The following FAM168A variants were observed in gnomAD, a reference collection of about 807,000 sequenced individuals.
The protein encoded by FAM168A is protein FAM168A.
FAM168A carries 3 observed loss-of-function variants against 28.5 expected under a neutral mutation model. The ratio of observed to expected loss-of-function variants is 0.11; its 90% CI spans 0.05 to 0.27. FAM168A has a LOEUF of 0.27. Among genes scored for constraint, FAM168A ranks in the 10% least tolerant of loss-of-function variants. The probability of loss-of-function intolerance (pLI) is 1.00; values close to 1 mark genes in which losing one functional copy is unlikely to be tolerated. For missense variants in FAM168A, 222 were observed against 311.5 expected (o/e 0.71, Z 2.16); for synonymous variants, 122 against 124.2 (o/e 0.98, Z 0.12).
intron 2 of FAM168A, among the ~76,000 whole-genome samples, chr11:73,442,355 T>C (rs1174002044): frequency 6.6e-6 from 1 of 152,070 alleles, no homozygotes; most frequent in East Asian, 1.9e-4. Context: ...CTCGATCTCC[T>C]GACCTCATGA....
chr11:73,527,674 T>C (rs1590834584), intron 1 of FAM168A, among the ~76,000 whole-genome samples: 1 of 152,078 alleles, frequency 6.6e-6, no homozygotes, highest in African/African-American at 2.4e-5. Context: ...TAAATAACTA[T>C]TAAGTTATTA....
chr11:73,562,461 C>T (rs1181530263), intron 1 of FAM168A, among the ~76,000 whole-genome samples: 1 of 152,186 alleles, frequency 6.6e-6, no homozygotes, highest in Non-Finnish European at 1.5e-5. Flanking sequence ...CAGAATGAAG[C>T]GTATAATGCT....
At chr11:73,463,105 A>G (rs571917288) in intron 2 of FAM168A, among the ~76,000 whole-genome samples, 34 of 151,922 alleles carry the variant, frequency 2.2e-4, no homozygotes, top group African/African-American at 8.2e-4. Context: ...AGTAGCTGGG[A>G]TTACAGGTGT....
intron 1 of FAM168A, among the ~76,000 whole-genome samples, chr11:73,500,983 G>T (rs1018661074): frequency 2.0e-5 from 3 of 149,344 alleles, no homozygotes; most frequent in Non-Finnish European, 3.0e-5. Flanking sequence ...AAAATAAAGG[G>T]ATGGAAGAAA....
At chr11:73,533,843 A>C (rs919348523) in intron 1 of FAM168A, among the ~76,000 whole-genome samples, 6 of 152,346 alleles carry the variant, frequency 3.9e-5, no homozygotes, top group Non-Finnish European at 7.3e-5. Flanking sequence ...GGGAGTGCTT[A>C]AATGAATAAA....
At chr11:73,480,893 T>C (rs925960304) in intron 1 of FAM168A, among the ~76,000 whole-genome samples, 20 of 152,192 alleles carry the variant, frequency 1.3e-4, no homozygotes, top group Admixed American at 1.1e-3. Flanking sequence ...AATTTTGAAA[T>C]AGCATTTTTC....
intron 1 of FAM168A, among the ~76,000 whole-genome samples, chr11:73,486,070 A>G (rs928578901): frequency 1.1e-4 from 16 of 152,214 alleles, no homozygotes; most frequent in Non-Finnish European, 1.5e-5. Context: ...ATACAAATGT[A>G]AAGTTTGGGG....
intron 1 of FAM168A, among the ~76,000 whole-genome samples, chr11:73,536,416 G>A (rs533639826): frequency 5.9e-5 from 9 of 152,258 alleles, no homozygotes; most frequent in Middle Eastern, 3.4e-3. Flanking sequence ...GGCCAAGCGC[G>A]GTAGATCACG....
chr11:73,430,918 T>C (rs1398658473), intron 2 of FAM168A, 148 bp from the exon 3 acceptor site: 1 of 561,786 alleles, frequency 1.8e-6, no homozygotes, highest in Admixed American at 3.6e-5. Flanking sequence ...TTCCAGATAG[T>C]ATATGTGACC....
intron 3 of FAM168A, among the ~76,000 whole-genome samples, chr11:73,426,107 G>A (rs1274160295): frequency 6.6e-6 from 1 of 152,096 alleles, no homozygotes; most frequent in Non-Finnish European, 1.5e-5. Context: ...AGACAATAGG[G>A]GAAAATGTTT....
chr11:73,584,386 C>T (rs1944283552), intron 1 of FAM168A, among the ~76,000 whole-genome samples: 1 of 151,694 alleles, frequency 6.6e-6, no homozygotes, highest in Non-Finnish European at 1.5e-5. Context: ...TGGTCTCAAA[C>T]TCCTAGTCTC....
At chr11:73,420,934 A>T (rs186222110) in intron 3 of FAM168A, 397 of 152,750 alleles carry the variant, frequency 2.6e-3, no homozygotes, top group African/African-American at 9.3e-3. Context: ...AGAGTTCTGA[A>T]GTGGGACTTG....
intron 2 of FAM168A, among the ~76,000 whole-genome samples, chr11:73,447,803 G>A (rs372556875): frequency 6.6e-6 from 1 of 151,760 alleles, no homozygotes; most frequent in East Asian, 1.9e-4. Flanking sequence ...AGACCCATCA[G>A]CTAACTACCA....
At chr11:73,513,004 G>T (rs1855254099) in intron 1 of FAM168A, among the ~76,000 whole-genome samples, 1 of 152,042 alleles carries the variant, frequency 6.6e-6, no homozygotes, top group Non-Finnish European at 1.5e-5. Flanking sequence ...ACTATGTAAA[G>T]ATATTGCCCT....
intron 2 of FAM168A, among the ~76,000 whole-genome samples, chr11:73,451,514 T>C (rs994234636): frequency 2.0e-5 from 3 of 152,232 alleles, no homozygotes; most frequent in African/African-American, 7.2e-5. Flanking sequence ...TGGGTATTAC[T>C]AAAGATATAA....
chr11:73,537,929 C>T (rs1052051540), intron 1 of FAM168A, among the ~76,000 whole-genome samples: 3 of 152,114 alleles, frequency 2.0e-5, no homozygotes, highest in African/African-American at 7.2e-5. Flanking sequence ...ATGTATACTC[C>T]TTAAGGAGAT....
At chr11:73,484,528 C>CTATATATATATA (rs1306391062) in intron 1 of FAM168A, among the ~76,000 whole-genome samples, 1 of 138,520 alleles carries the variant, frequency 7.2e-6, no homozygotes, top group African/African-American at 2.9e-5. Flanking sequence ...ATATATATAT[C>CTATATATATATA]TATATATCTA....
chr11:73,556,165 T>C (rs1943887031), intron 1 of FAM168A, among the ~76,000 whole-genome samples: 1 of 150,962 alleles, frequency 6.6e-6, no homozygotes, highest in African/African-American at 2.4e-5. Context: ...GCAACATAAG[T>C]GAAACCCTGG....
intron 1 of FAM168A, among the ~76,000 whole-genome samples, chr11:73,504,685 T>C (rs1039886097): frequency 2.0e-5 from 3 of 152,180 alleles, no homozygotes; most frequent in Non-Finnish European, 4.4e-5. Context: ...ATCATTCTAC[T>C]ATAAAGACAC....
Sources: allele counts gnomAD v4.1 joint callset (sites outside exome capture counted in the v4.1 genomes callset), GRCh38; gene constraint gnomAD v4.1.1; transcripts MANE v1.5; gene names NCBI Gene and HGNC (gene_info 2026-07-23, HGNC 2026-07-21).